Variants in MCM3AP observed in about 807,000 individuals in gnomAD.
MCM3AP encodes germinal-center associated nuclear protein.
In MCM3AP, 126 loss-of-function variants were observed where a neutral mutation model predicts 184.1. The ratio of observed to expected loss-of-function variants is 0.68; its 90% CI spans 0.59 to 0.79. The LOEUF (loss-of-function observed/expected upper bound fraction) is 0.79, where lower values mean the gene tolerates loss of function less well. Ranked by LOEUF, MCM3AP falls within the 30% of genes least tolerant of loss-of-function variation. The probability of loss-of-function intolerance (pLI) is 0.00; values close to 1 mark genes in which losing one functional copy is unlikely to be tolerated. For synonymous variants in MCM3AP, 1,002 were observed against 979.3 expected (o/e 1.02, Z -0.43); for missense variants, 2,496 against 2,479.2 (o/e 1.01, Z -0.14).
chr21:46,240,783 A>G, intron 26 of MCM3AP, 28 bp downstream of exon 26: 1 of 1,602,496 alleles, frequency 6.2e-7, no homozygotes, highest in East Asian at 2.2e-5. Flanking sequence ...GACTAAACAC[A>G]CATGAATTAG....
chr21:46,241,154 C>G, intron 25 of MCM3AP, 137 bp from the exon 26 acceptor site: 1 of 682,506 alleles, frequency 1.5e-6, no homozygotes, highest in Non-Finnish European at 2.6e-6. Flanking sequence ...CCTCCTGGAA[C>G]AGCTCATGCT....
intron 9 of MCM3AP, among the ~76,000 whole-genome samples, chr21:46,269,960 C>A (rs2081159720): frequency 6.6e-6 from 1 of 152,184 alleles, no homozygotes; most frequent in Non-Finnish European, 1.5e-5. Flanking sequence ...CCTCTGCAAC[C>A]CTAGCACACG....
In MCM3AP at chr21:46,244,884, G is replaced by A; in HGVS notation, c.4961C>T (p.Ala1654Val). 3.7e-6 allele frequency: 6 copies of A among 1,614,150 alleles called. No homozygotes were observed. The highest frequency in any genetic ancestry group is 5.1e-6 in the Non-Finnish European group (6 of 1,180,004). ...SRLLPHLHWN[A>V]PEHLAWLKQA... is the part of the protein sequence containing the mutation. ...CTTCAGCCAGGCCAGGTGCTCTGGGGCATTCCAGTGCAGGTGAGGAAGCAG... is the reference window on the plus strand; with the variant it reads ...CTTCAGCCAGGCCAGGTGCTCTGGGACATTCCAGTGCAGGTGAGGAAGCAG... The change falls in exon 23 of 28, where the codon GCC becomes GTC. Residue 1654 changes from alanine (A) to valine (V), a missense_variant. Coordinates refer to ENST00000291688, the MANE Select transcript of MCM3AP (RefSeq NM_003906.5).
intron 4 of MCM3AP, among the ~76,000 whole-genome samples, chr21:46,278,049 G>A (rs533019766): frequency 5.8e-4 from 89 of 152,214 alleles, no homozygotes; most frequent in Non-Finnish European, 1.1e-3. Flanking sequence ...TACTCGAGAG[G>A]CTGGGGTGAG....
intron 20 of MCM3AP, chr21:46,249,502 T>G (rs890866844): frequency 1.2e-5 from 5 of 427,782 alleles, no homozygotes; most frequent in Non-Finnish European, 1.9e-5. Context: ...AAAATAATTT[T>G]CTACCTATAA....
Position 46,235,432 on chromosome 21 carries a change from T to G in MCM3AP, c.5785-6A>C, listed in dbSNP as rs373865756. 1 of 1,613,588 alleles carries G rather than the reference T, an allele frequency of 6.2e-7. No homozygotes were observed. Among genetic ancestry groups the G allele is most frequent in the Non-Finnish European group, 8.5e-7 (1 of 1,179,790 alleles). On this transcript the variant is annotated splice_region_variant and splice_polypyrimidine_tract_variant and intron_variant, in intron 27 of 27. Transcript: ENST00000291688. ...TGCTCCCTCATCATGTCACTCTATT[T>G]GAATAAAAAAGAAACTGAACAGTTT...
intron 9 of MCM3AP, 71 bp from the exon 10 acceptor site, chr21:46,267,213 C>T (rs748544562): frequency 5.4e-6 from 8 of 1,482,346 alleles, no homozygotes; most frequent in Non-Finnish European, 7.4e-6. Context: ...CAGCCCATGA[C>T]CACAGCCATG....
In MCM3AP at chr21:46,273,396, T is replaced by G; in HGVS notation, c.2188A>C (p.Ile730Leu). The change falls in exon 7 of 28, where the codon ATA becomes CTA. Residue 730 changes from isoleucine (I) to leucine (L), a missense_variant. This residue lies in a region of MCM3AP where 130 missense variants were observed against 199.8 expected (regional missense o/e 0.65). Coordinates refer to ENST00000291688, the MANE Select transcript of MCM3AP (RefSeq NM_003906.5). ...YDFVWNRTRG[I>L]RKDITQQHLC... Reference sequence around the variant, plus strand: ...TTGGAGGCAGCCAATACCTTCCGTATGCCACGCGTGCGGTTCCACACGAAG... The same window carrying G: ...TTGGAGGCAGCCAATACCTTCCGTAGGCCACGCGTGCGGTTCCACACGAAG... 5.0e-6 allele frequency: 8 copies of G among 1,613,962 alleles called. No homozygotes were observed. Among genetic ancestry groups the G allele is most frequent in the Non-Finnish European group, 6.8e-6 (8 of 1,179,846 alleles).
At chr21:46,260,738 G>A (rs1012078817) in intron 15 of MCM3AP, 55 bp downstream of exon 15, 2 of 1,261,582 alleles carry the variant, frequency 1.6e-6, no homozygotes, top group South Asian at 1.2e-5. Flanking sequence ...ACACAGCCTA[G>A]GGCAGAGCCA....
chr21:46,255,265 G>A (rs1479098427), intron 17 of MCM3AP, among the ~76,000 whole-genome samples: 1 of 152,216 alleles, frequency 6.6e-6, no homozygotes, highest in Non-Finnish European at 1.5e-5. Context: ...TCTGGAAACA[G>A]CAGAGGGCAT....
At chr21:46,254,290 C>T (rs1279807117) in intron 19 of MCM3AP, 102 bp downstream of exon 19, 8 of 1,268,410 alleles carry the variant, frequency 6.3e-6, no homozygotes, top group East Asian at 2.3e-5. Flanking sequence ...CCTACACTTC[C>T]GAGTTCCCAT....
intron 9 of MCM3AP, among the ~76,000 whole-genome samples, chr21:46,269,754 G>A (rs528710317): frequency 5.9e-5 from 9 of 152,318 alleles, no homozygotes; most frequent in Admixed American, 2.6e-4. Flanking sequence ...GTGAGGTGGC[G>A]CTCTGTGCGG....
At chr21:46,255,704 G>A (rs1435424648) in intron 17 of MCM3AP, among the ~76,000 whole-genome samples, 1 of 152,060 alleles carries the variant, frequency 6.6e-6, no homozygotes. Context: ...GATGCATGAT[G>A]GGGGCTGTCA....
At chr21:46,280,648 T>C in intron 2 of MCM3AP, 73 bp from the exon 3 acceptor site, 2 of 1,011,618 alleles carry the variant, frequency 2.0e-6, no homozygotes, top group Non-Finnish European at 3.1e-6. Context: ...AAAACTCAAA[T>C]GCAGTAAGCA....
rs1569045149 is a variant in MCM3AP at position 46,235,326 on chromosome 21, T to G, written c.5885A>C (p.Glu1962Ala). ...ATGGAGCTCAGAGGCAACTTCCTCTTCCCTTGAACTCCGGATCAGCCTTTC... is the reference window on the plus strand; with the variant it reads ...ATGGAGCTCAGAGGCAACTTCCTCTGCCCTTGAACTCCGGATCAGCCTTTC... ...HLERLIRSSR[E>A]EEVASELHLS... Residue 1962 changes from glutamate to alanine, a missense_variant, in exon 28 of 28, where the codon GAA becomes GCA. Physicochemically the swap from Glu to Ala is moderately radical, Grantham distance 107. Around this residue, in one of 5 missense-constraint regions of MCM3AP, gnomAD observed 1,323 missense variants for 1,273.4 expected, o/e 1.04. Transcript: ENST00000291688. The G allele has an allele frequency of 1.2e-6, 2 of 1,614,076 alleles. No individual in the cohort carries two copies. Among genetic ancestry groups the G allele is most frequent in the Non-Finnish European group, 8.5e-7 (1 of 1,180,034 alleles).
In MCM3AP at chr21:46,245,039, A is replaced by G; in HGVS notation, c.4806T>C (p.Ser1602=). The G allele has an allele frequency of 6.2e-7, 1 of 1,614,206 alleles. No individual in the cohort carries two copies. Residue 1602 remains serine (S), a synonymous_variant, in exon 23 of 28, where the codon TCT becomes TCC. Transcript: ENST00000291688. ...RRERRLGGLA[S]QEPGAIIELF... is the part of the protein sequence containing the mutation. Reference sequence around the variant, plus strand: ...GCTCAATGATGGCGCCAGGCTCCTGAGAAGCAAGACCGCCCAGACGCCTCT... The same window carrying G: ...GCTCAATGATGGCGCCAGGCTCCTGGGAAGCAAGACCGCCCAGACGCCTCT...
chr21:46,259,598 C>T (rs778751863), intron 15 of MCM3AP, among the ~76,000 whole-genome samples: 1 of 151,634 alleles, frequency 6.6e-6, no homozygotes, highest in Non-Finnish European at 1.5e-5. Flanking sequence ...GGTAGAACCC[C>T]GTCTCTACTA....
Position 46,284,310 on chromosome 21 carries a change from G to A in MCM3AP, c.977C>T (p.Pro326Leu), listed in dbSNP as rs530153980. The change falls in exon 1 of 28, where the codon CCT becomes CTT. Residue 326 changes from proline to leucine, a missense_variant. By Grantham distance (98) the Pro-to-Leu change is moderately conservative (BLOSUM62 -3). This residue lies in a region of MCM3AP where 800 missense variants were observed against 717.1 expected (regional missense o/e 1.12). Coordinates refer to ENST00000291688, the MANE Select transcript of MCM3AP (RefSeq NM_003906.5). ...SRGDHPPDKR[P>L]VRLNRPRGGT... is the part of the protein sequence containing the mutation. ...TCCCCGGGGTCGATTCAGGCGGACA[G>A]GTCGTTTGTCTGGAGGATGATCGCC... 5.6e-6 allele frequency: 9 copies of A among 1,614,108 alleles called. No homozygotes were observed. Among genetic ancestry groups the A allele is most frequent in the Non-Finnish European group, 7.6e-6 (9 of 1,180,046 alleles).
At chr21:46,241,935 C>G (rs764094020) in intron 25 of MCM3AP, 2 of 152,130 alleles carry the variant, frequency 1.3e-5, no homozygotes, top group Non-Finnish European at 1.5e-5. Context: ...TCAAGGATCT[C>G]TATGGGGAAC....
Sources: gnomAD v4.1 joint callset for allele counts (sites outside exome capture counted in the v4.1 genomes callset) on GRCh38, gnomAD v4.1.1 for gene constraint, gnomAD v4.1.1 regional missense constraint, MANE v1.5 for transcripts, NCBI Gene and HGNC (gene_info 2026-07-23, HGNC 2026-07-21) for gene names.